The following OSBP variants were observed in gnomAD, a reference collection of about 807,000 sequenced individuals.
The protein encoded by OSBP is oxysterol binding protein.
Under a neutral mutation model 96.6 loss-of-function variants are expected in OSBP, and 32 were observed. The observed-to-expected ratio is 0.33, with a 90% CI of 0.25 to 0.45. The LOEUF is 0.45. OSBP is among the 20% of genes least tolerant of loss of function. The pLI, the probability that OSBP is intolerant of heterozygous loss-of-function variation, is 1.00. For synonymous variants in OSBP, 369 were observed against 389.6 expected (o/e 0.95, Z 0.62); for missense variants, 653 against 1,029.7 (o/e 0.63, Z 5.01).
rs1200923369 is a variant in OSBP, at chr11:59,600,635, C to T, written c.1180-8G>A. The stretch of plus-strand genomic sequence containing the variant: ...CTCCAGCTGATGCTTGTACTGAGAG[C>T]AAAACAAAGCCATTCAACCACCCAC... On this transcript the variant is annotated splice_polypyrimidine_tract_variant and splice_region_variant and intron_variant, in intron 6 of 13. Transcript: ENST00000263847. The T allele has an allele frequency of 2.5e-6, 4 of 1,610,332 alleles. No homozygotes were observed. Among genetic ancestry groups the T allele is most frequent in the Non-Finnish European group, 3.4e-6 (4 of 1,179,310 alleles).
intron 1 of OSBP, among the ~76,000 whole-genome samples, chr11:59,613,008 G>A (rs1378855497): frequency 6.6e-5 from 10 of 152,162 alleles, no homozygotes; most frequent in Admixed American, 3.9e-4. Context: ...ACAGTATTTT[G>A]GAAACAGCAT....
chr11:59,580,987 C>T lies in OSBP; in HGVS notation c.1782+464G>A, dbSNP rs477160. Among the ~76,000 whole-genome samples, 842 of 152,304 alleles carry T rather than the reference C, an allele frequency of 5.5e-3. 10 individuals are homozygous for T. The highest frequency in any genetic ancestry group is 0.019 in the African/African-American group (787 of 41,570). ...GAGAAAACTGACAATTAATTAGATA[C>T]TATCATAGGGCATCTTTTATATTAG... On this transcript the variant is annotated intron_variant, in intron 10 of 13. Coordinates refer to ENST00000263847, the MANE Select transcript of OSBP (RefSeq NM_002556.3).
At chr11:59,583,521 G>A (rs1280190371) in intron 9 of OSBP, among the ~76,000 whole-genome samples, 1 of 151,112 alleles carries the variant, frequency 6.6e-6, no homozygotes, top group African/African-American at 2.4e-5. Context: ...ACTCTGCTGA[G>A]AACACTTGCT....
rs1210318412 is a variant in OSBP, at chr11:59,576,801, T to C, written c.2281+4A>G. The C allele has an allele frequency of 6.2e-7, 1 of 1,613,918 alleles. No individual in the cohort carries two copies. The highest frequency in any genetic ancestry group is 1.3e-5 in the African/African-American group (1 of 74,968). ...GAAAGAAGAGTAGAAGGGAAGTTCA[T>C]TACCATCCTCTGTGGCTTTCATAGC... On this transcript the variant is annotated splice_donor_region_variant and intron_variant, in intron 13 of 13. Coordinates refer to ENST00000263847, the MANE Select transcript of OSBP (RefSeq NM_002556.3).
chr11:59,613,428 T>G (rs1860878432), intron 1 of OSBP, among the ~76,000 whole-genome samples: 1 of 152,210 alleles, frequency 6.6e-6, no homozygotes, highest in Non-Finnish European at 1.5e-5. Flanking sequence ...CTAGTACTGA[T>G]CAAAGAATCA....
intron 6 of OSBP, 93 bp from the exon 7 acceptor site, chr11:59,600,720 A>G: frequency 1.9e-6 from 3 of 1,567,330 alleles, no homozygotes; most frequent in Non-Finnish European, 2.6e-6. Context: ...AAAAGAAAAA[A>G]AAATCAGTTT....
intron 1 of OSBP, among the ~76,000 whole-genome samples, chr11:59,614,350 T>C (rs1860893864): frequency 6.6e-6 from 1 of 152,158 alleles, no homozygotes; most frequent in African/African-American, 2.4e-5. Flanking sequence ...GTCAACAAAA[T>C]ACTATAATGA....
chr11:59,609,485 GA>G (rs1031021294), intron 2 of OSBP, among the ~76,000 whole-genome samples: 1,201 of 98,178 alleles, frequency 0.012, 7 homozygotes, highest in African/African-American at 0.014. Context: ...CTAAAAGCAA[GA>G]AAAAAAAAAA....
At chr11:59,583,256 G>A (rs1860445988) in intron 9 of OSBP, among the ~76,000 whole-genome samples, 2 of 152,220 alleles carry the variant, frequency 1.3e-5, no homozygotes, top group South Asian at 2.1e-4. Context: ...AGGTTGCAGT[G>A]AGCCAAGATC....
Position 59,608,848 on chromosome 11 carries a change from T to C in OSBP, c.572-114A>G, listed in dbSNP as rs566504867. On this transcript the variant is annotated intron_variant, in intron 2 of 13. Coordinates refer to ENST00000263847, the MANE Select transcript of OSBP (RefSeq NM_002556.3). Reference sequence around the variant, plus strand: ...TTCCTCATGCTGTGTGCATTCTGACTCACTGAAAACTTGCCATTACCAGAT... The same window carrying C: ...TTCCTCATGCTGTGTGCATTCTGACCCACTGAAAACTTGCCATTACCAGAT... 7 of 1,081,904 alleles carry C rather than the reference T, an allele frequency of 6.5e-6. No homozygotes were observed. In the East Asian group the frequency reaches 1.7e-4, roughly 26 times the overall value. The allele number at this position is 1,081,904 out of a possible 1,614,324, so 67.0% of individuals were successfully genotyped here. A position where few individuals can be genotyped will look rare whatever the true frequency, so the allele number is the denominator to read the frequency against.
At chr11:59,578,852 CTTTAT>C (rs936929161) in intron 11 of OSBP, among the ~76,000 whole-genome samples, 11 of 152,076 alleles carry the variant, frequency 7.2e-5, no homozygotes, top group East Asian at 5.8e-4. Context: ...TTTTGGTAAA[CTTTAT>C]TTTTAGTTTT....
At chr11:59,577,160 A>G (rs1860370512) in intron 12 of OSBP, 135 bp from the exon 13 acceptor site, 6 of 710,440 alleles carry the variant, frequency 8.4e-6, no homozygotes, top group Non-Finnish European at 1.4e-5. Flanking sequence ...AAAAGGATCT[A>G]GGACCATGTC....
At chr11:59,594,286 T>C in intron 7 of OSBP, 31 bp from the exon 8 acceptor site, 1 of 1,608,674 alleles carries the variant, frequency 6.2e-7, no homozygotes, top group South Asian at 1.1e-5. Flanking sequence ...ATAAAAACTA[T>C]GCTCACTCAT....
At chr11:59,586,098 C>A (rs1316486770) in intron 9 of OSBP, among the ~76,000 whole-genome samples, 5 of 151,606 alleles carry the variant, frequency 3.3e-5, no homozygotes. Context: ...TGCTGACCTT[C>A]CCTCCACTAT....
intron 9 of OSBP, among the ~76,000 whole-genome samples, chr11:59,588,202 A>G (rs1402853958): frequency 1.3e-5 from 2 of 152,238 alleles, no homozygotes; most frequent in Non-Finnish European, 2.9e-5. Flanking sequence ...GACAGAAAGT[A>G]GAATAGTGGG....
Position 59,576,389 on chromosome 11 carries a change from A to G in OSBP, c.*188T>C, listed in dbSNP as rs1293268060. Reference sequence around the variant, plus strand: ...ATCTCCTATGTCGATTTCAGTTTCAATCAGCTAAGGCAACCAGCCAATCAC... The same window carrying G: ...ATCTCCTATGTCGATTTCAGTTTCAGTCAGCTAAGGCAACCAGCCAATCAC... On this transcript the variant is annotated 3_prime_UTR_variant, in exon 14 of 14. Coordinates refer to ENST00000263847, the MANE Select transcript of OSBP (RefSeq NM_002556.3). 2 of 634,648 alleles carry G rather than the reference A, an allele frequency of 3.2e-6. No individual in the cohort carries two copies. The highest frequency in any genetic ancestry group is 1.8e-5 in the African/African-American group (1 of 54,584). The allele number at this position is 634,648 out of a possible 1,614,324, so 39.3% of individuals were successfully genotyped here.
Position 59,615,298 on chromosome 11 carries a change from G to C in OSBP, c.362+5C>G, listed in dbSNP as rs746059147. 10 of 1,594,954 alleles carry C rather than the reference G, an allele frequency of 6.3e-6. No individual in the cohort carries two copies. The highest frequency in any genetic ancestry group is 1.3e-5 in the African/African-American group (1 of 74,248). ...GGTGAGCGACAGCGCCCCGGAAGCAGTTACCTGTAGTAGCTCAGGAGCCCG... is the reference window on the plus strand; with the variant it reads ...GGTGAGCGACAGCGCCCCGGAAGCACTTACCTGTAGTAGCTCAGGAGCCCG... On this transcript the variant is annotated splice_donor_5th_base_variant and intron_variant, in intron 1 of 13. Transcript: ENST00000263847.
chr11:59,611,319 T>C (rs2134710658), intron 1 of OSBP, among the ~76,000 whole-genome samples: 1 of 152,278 alleles, frequency 6.6e-6, no homozygotes, highest in East Asian at 1.9e-4. Context: ...CTCAGTAAGT[T>C]CCTTCATGCC....
rs118080396 is a variant in OSBP at position 59,584,005 on chromosome 11, G to A, written c.1679-2451C>T. ...TTGTCGCCCAGACTGGAATGCAATG[G>A]TGCAATCGTAGTTCACTGCAAACTT... On this transcript the variant is annotated intron_variant, in intron 9 of 13. Transcript: ENST00000263847. Among the ~76,000 whole-genome samples the A allele has an allele frequency of 2.0e-3, 296 of 148,632 alleles. 1 individual carries two copies. The highest frequency in any genetic ancestry group is 2.0e-3 in the Non-Finnish European group (137 of 67,632).
Sources: allele counts gnomAD v4.1 joint callset (sites outside exome capture counted in the v4.1 genomes callset), GRCh38; gene constraint gnomAD v4.1.1; transcripts MANE v1.5; gene names NCBI Gene and HGNC (gene_info 2026-07-23, HGNC 2026-07-21).